PAM: variants seen among roughly 807,000 people sequenced by gnomAD.
PAM encodes peptidyl-glycine alpha-amidating monooxygenase.
A neutral mutation model predicts 122.1 loss-of-function variants in PAM; 72 were observed. The ratio of observed to expected loss-of-function variants is 0.59; its 90% confidence interval spans 0.49 to 0.72. The LOEUF (loss-of-function observed/expected upper bound fraction) is 0.72, where lower values mean the gene tolerates loss of function less well. PAM is among the 30% of genes least tolerant of loss of function. The pLI, the probability that PAM is intolerant of heterozygous loss-of-function variation, is 0.00. For synonymous variants in PAM, 389 were observed against 404.4 expected, an observed-to-expected ratio of 0.96 and a Z score of 0.46; for missense variants, 1,106 against 1,183.7, an observed-to-expected ratio of 0.93 and a Z score of 0.96.
chr5:102,962,532 A>T (rs908458349), intron 14 of PAM, among the ~76,000 whole-genome samples: 2 of 151,836 alleles, frequency 1.3e-5, no homozygotes, highest in Admixed American at 6.6e-5. Context: ...AACATATATG[A>T]AACAATACGG....
At chr5:102,911,244 TG>T (rs1415628930) in intron 4 of PAM, among the ~76,000 whole-genome samples, 6 of 151,986 alleles carry the variant, frequency 3.9e-5, no homozygotes, top group Non-Finnish European at 7.4e-5. Context: ...TGAAAAAAGA[TG>T]GTTAGTTGCT....
At chr5:102,798,602 T>A (rs1451260635) in intron 1 of PAM, among the ~76,000 whole-genome samples, 1 of 152,168 alleles carries the variant, frequency 6.6e-6, no homozygotes, top group Non-Finnish European at 1.5e-5. Context: ...GCTTTACTTC[T>A]TTTTTTCTTC....
Position 102,769,871 on chromosome 5 carries a change from T to G in PAM, c.-374+14523T>G, listed in dbSNP as rs141069791. Among the ~76,000 whole-genome samples the G allele has an allele frequency of 5.3e-3, 806 of 152,232 alleles. 2 individuals carry two copies. The highest frequency in any genetic ancestry group is 0.034 in the South Asian group (164 of 4,818). On this transcript the variant is annotated intron_variant, in intron 1 of 25. Coordinates refer to ENST00000438793, the MANE Select transcript of PAM (RefSeq NM_001177306.2). ...AATACATATAAATCTTAGGATTTTT[T>G]TTCTCACTTCTATGGAGAATTTCAC...
chr5:102,975,942 T>C lies in PAM; in HGVS notation c.1483+1506T>C, dbSNP rs530005497. On this transcript the variant is annotated intron_variant, in intron 15 of 25. Coordinates refer to ENST00000438793, the MANE Select transcript of PAM (RefSeq NM_001177306.2). Reference sequence around the variant, plus strand: ...CCCAGTCAGAATTTGACTTAAGATATTGCATTTCTGAAACTTACTCAGTTT... The same window carrying C: ...CCCAGTCAGAATTTGACTTAAGATACTGCATTTCTGAAACTTACTCAGTTT... 1.4e-4 allele frequency among the ~76,000 whole-genome samples: 22 copies of C among 152,280 alleles called. 2 individuals carry two copies. The South Asian group carries it at 3.5e-3, about 24-fold the overall frequency.
At chr5:102,955,339 A>T (rs1760366879) in intron 12 of PAM, among the ~76,000 whole-genome samples, 1 of 152,088 alleles carries the variant, frequency 6.6e-6, no homozygotes, top group Admixed American at 6.6e-5. Flanking sequence ...GGATAAACAG[A>T]TATGGATATA....
intron 24 of PAM, among the ~76,000 whole-genome samples, chr5:103,027,725 G>A (rs183347860): frequency 6.6e-6 from 1 of 152,268 alleles, no homozygotes; most frequent in East Asian, 1.9e-4. Flanking sequence ...GAGTAAAGCT[G>A]AAGGCAAATA....
In PAM at chr5:102,803,142, AAAGAAAGGAAGGAAGGAAGG is replaced by A. The variant is rs1394170324; in HGVS notation, c.-374+47798_-374+47817del. On this transcript the variant is annotated intron_variant, in intron 1 of 25. Coordinates refer to ENST00000438793, the MANE Select transcript of PAM (RefSeq NM_001177306.2). ...TGTGTCCAAAAAAAAAGAAAGAAAG[AAAGAAAGGAAGGAAGGAAGG>A]AAGGAAGGAAGGAAGGAAGGAAGGA... is the stretch of plus-strand genomic sequence containing the variant. 2.4e-4 allele frequency among the ~76,000 whole-genome samples: 34 copies of A among 142,132 alleles called. 1 individual carries two copies. Among genetic ancestry groups the A allele is most frequent in the South Asian group, 1.8e-3 (8 of 4,428 alleles). The allele number at this position is 142,132 out of a possible 152,430, so 93.2% of individuals were successfully genotyped here.
intron 22 of PAM, 141 bp from the exon 23 acceptor site, chr5:103,019,649 T>C (rs1270234799): frequency 4.6e-6 from 3 of 647,518 alleles, no homozygotes; most frequent in Non-Finnish European, 2.8e-6. Context: ...GTGGTTTGTA[T>C]TGAACTCTTT....
intron 3 of PAM, among the ~76,000 whole-genome samples, chr5:102,885,096 A>ATATATATATATATAT (rs1561760626): frequency 7.5e-6 from 1 of 132,598 alleles, no homozygotes; most frequent in African/African-American, 3.6e-5. Context: ...TATATATATA[A>ATATATATATATATAT]CTATAAAAGC....
chr5:102,880,165 C>T (rs776189652), intron 3 of PAM, among the ~76,000 whole-genome samples: 1 of 151,914 alleles, frequency 6.6e-6, no homozygotes, highest in African/African-American at 2.4e-5. Flanking sequence ...CCTGCTTTCC[C>T]AGCTACTTGG....
intron 15 of PAM, among the ~76,000 whole-genome samples, chr5:102,981,566 G>A (rs1362577378): frequency 1.3e-5 from 2 of 152,188 alleles, no homozygotes; most frequent in Middle Eastern, 3.2e-3. Flanking sequence ...CATTTATGAG[G>A]CCATACAGTA....
intron 1 of PAM, among the ~76,000 whole-genome samples, chr5:102,825,611 TCA>T (rs1773367504): frequency 6.6e-6 from 1 of 152,160 alleles, no homozygotes; most frequent in Admixed American, 6.5e-5. Flanking sequence ...TCTTTGATCC[TCA>T]GTTTCAATAC....
At chr5:102,859,398 A>C (rs1232049184) in intron 1 of PAM, among the ~76,000 whole-genome samples, 1 of 151,512 alleles carries the variant, frequency 6.6e-6, no homozygotes, top group African/African-American at 2.4e-5. Context: ...AAAGCTTAAA[A>C]AGTTTAATAA....
At chr5:102,906,006 T>C (rs561940783) in intron 4 of PAM, among the ~76,000 whole-genome samples, 29 of 151,708 alleles carry the variant, frequency 1.9e-4, no homozygotes, top group Non-Finnish European at 3.5e-4. Context: ...TTGGTCATAA[T>C]CATGAAGGAG....
At chr5:102,809,733 G>T (rs1669270888) in intron 1 of PAM, among the ~76,000 whole-genome samples, 2 of 152,250 alleles carry the variant, frequency 1.3e-5, no homozygotes, top group African/African-American at 4.8e-5. Flanking sequence ...AACTGTGAGA[G>T]AGGGTGAAAC....
rs952572144 is a variant in PAM at position 102,818,053 on chromosome 5, A to G, written c.-373-47770A>G. 1.4e-4 allele frequency among the ~76,000 whole-genome samples: 20 copies of G among 143,374 alleles called. No individual in the cohort carries two copies. In the South Asian group the frequency reaches 4.3e-3, roughly 31 times the overall value. 94.1% of individuals were successfully genotyped at this position (143,374 alleles called of 152,430 possible). ...AAAAAAAAAAAAAAAAAAAAGACCT[A>G]TTTAAAATTATGACCTTACCCTGCC... On this transcript the variant is annotated intron_variant, in intron 1 of 25. Coordinates refer to ENST00000438793, the MANE Select transcript of PAM (RefSeq NM_001177306.2).
At chr5:102,818,404 T>G (rs1025451143) in intron 1 of PAM, among the ~76,000 whole-genome samples, 2 of 151,292 alleles carry the variant, frequency 1.3e-5, no homozygotes, top group African/African-American at 4.9e-5. Flanking sequence ...AAATTAACAG[T>G]TGAAAAAAAA....
intron 11 of PAM, among the ~76,000 whole-genome samples, chr5:102,950,416 G>GGGGTGTGT (rs372626572): frequency 1.1e-4 from 16 of 145,964 alleles, no homozygotes; most frequent in East Asian, 4.0e-4. Flanking sequence ...TATGTGGGTG[G>GGGGTGTGT]GTGTGTGTGT....
At chr5:102,910,184 T>A (rs947361287) in intron 4 of PAM, among the ~76,000 whole-genome samples, 1 of 151,832 alleles carries the variant, frequency 6.6e-6, no homozygotes, top group Non-Finnish European at 1.5e-5. Context: ...CCAGGTCACG[T>A]TCTTAGAGAA....
Sources: allele counts gnomAD v4.1 joint callset (sites outside exome capture counted in the v4.1 genomes callset), GRCh38; gene constraint gnomAD v4.1.1; transcripts MANE v1.5; gene names NCBI Gene and HGNC (gene_info 2026-07-23, HGNC 2026-07-21).